NAV2: variants seen among roughly 807,000 people sequenced by gnomAD.
NAV2 encodes helicase, APC down-regulated 1.
A neutral mutation model predicts 223.2 loss-of-function variants in NAV2; 54 were observed. The observed-to-expected ratio is 0.24, with a 90% CI of 0.19 to 0.30. NAV2 has a LOEUF of 0.30. Ranked by LOEUF, NAV2 falls within the 10% of genes least tolerant of loss-of-function variation. NAV2 has a pLI of 1.00. For missense variants in NAV2, 2,806 were observed against 3,147.5 expected, an observed-to-expected ratio of 0.89 and a Z score of 2.60; for synonymous variants, 1,279 against 1,239.3, an observed-to-expected ratio of 1.03 and a Z score of -0.67.
chr11:19,984,084 C>A (rs765713808), intron 10 of NAV2, 41 bp from the exon 11 acceptor site: 2 of 1,613,292 alleles, frequency 1.2e-6, no homozygotes, highest in South Asian at 2.2e-5. Context: ...AAGCCACTTG[C>A]TTTGGACATT....
At chr11:20,099,814 G>T (rs1447887354) in intron 31 of NAV2, among the ~76,000 whole-genome samples, 1 of 152,022 alleles carries the variant, frequency 6.6e-6, no homozygotes, top group South Asian at 2.1e-4. Context: ...TACAGAGAGG[G>T]TGTTCTAGTG....
chr11:19,415,095 CA>C (rs1395982137), intron 1 of NAV2, among the ~76,000 whole-genome samples: 2 of 151,978 alleles, frequency 1.3e-5, no homozygotes, highest in African/African-American at 2.4e-5. Context: ...TAACTAAGAT[CA>C]GAGCAGAAAT....
At chr11:19,680,540 A>G (rs906164251) in intron 1 of NAV2, among the ~76,000 whole-genome samples, 1 of 152,128 alleles carries the variant, frequency 6.6e-6, no homozygotes, top group Non-Finnish European at 1.5e-5. Context: ...GGGATGCGGA[A>G]CCCCATTCTG....
At chr11:20,077,237 C>T (rs191271505) in intron 22 of NAV2, among the ~76,000 whole-genome samples, 3 of 151,906 alleles carry the variant, frequency 2.0e-5, no homozygotes, top group Admixed American at 6.5e-5. Flanking sequence ...AAGTACGAGC[C>T]GAGAGCTCTT....
chr11:19,983,983 A>G, intron 10 of NAV2, 142 bp from the exon 11 acceptor site: 1 of 1,030,566 alleles, frequency 9.7e-7, no homozygotes, highest in Non-Finnish European at 1.5e-6. Flanking sequence ...TTGGGCTGTG[A>G]TCAGTGCCAG....
intron 5 of NAV2, among the ~76,000 whole-genome samples, chr11:19,885,318 T>C (rs190323888): frequency 1.3e-5 from 2 of 152,304 alleles, no homozygotes; most frequent in Non-Finnish European, 2.9e-5. Flanking sequence ...GAACCTTCAC[T>C]ATAACCACAG....
intron 1 of NAV2, among the ~76,000 whole-genome samples, chr11:19,796,107 T>C (rs533427238): frequency 1.3e-5 from 2 of 152,272 alleles, no homozygotes; most frequent in East Asian, 3.9e-4. Flanking sequence ...AATTCATCAA[T>C]GGGGGGATAG....
intron 1 of NAV2, among the ~76,000 whole-genome samples, chr11:19,485,493 A>G (rs1182553033): frequency 6.6e-6 from 1 of 152,072 alleles, no homozygotes; most frequent in Non-Finnish European, 1.5e-5. Flanking sequence ...AGGCCCATCC[A>G]CTCCCAAATA....
chr11:19,885,048 T>G (rs2063446691), intron 5 of NAV2, among the ~76,000 whole-genome samples: 1 of 152,186 alleles, frequency 6.6e-6, no homozygotes, highest in South Asian at 2.1e-4. Flanking sequence ...TCCTATGGTA[T>G]GGGAAAAGCC....
chr11:19,562,457 G>T (rs2045133595), intron 1 of NAV2, among the ~76,000 whole-genome samples: 1 of 152,194 alleles, frequency 6.6e-6, no homozygotes, highest in Non-Finnish European at 1.5e-5. Flanking sequence ...CTCTCTTTGA[G>T]ACATGGATTG....
At chr11:19,719,593 A>G (rs2050594257) in intron 1 of NAV2, among the ~76,000 whole-genome samples, 1 of 152,150 alleles carries the variant, frequency 6.6e-6, no homozygotes, top group Admixed American at 6.5e-5. Context: ...TATTTTTGTT[A>G]CCTAAGGTCA....
At chr11:19,499,972 A>G (rs2134142695) in intron 1 of NAV2, among the ~76,000 whole-genome samples, 1 of 152,096 alleles carries the variant, frequency 6.6e-6, no homozygotes, top group African/African-American at 2.4e-5. Context: ...GATTCTATAT[A>G]TATATACACA....
chr11:19,346,394 T>G (rs1453420551), upstream of NAV2, among the ~76,000 whole-genome samples: 3 of 152,174 alleles, frequency 2.0e-5, no homozygotes, highest in Non-Finnish European at 4.4e-5. Context: ...GGCCTGCGGT[T>G]CCCCTGGCTC....
intron 1 of NAV2, among the ~76,000 whole-genome samples, chr11:19,638,257 A>T (rs1590749757): frequency 6.6e-6 from 1 of 152,256 alleles, no homozygotes; most frequent in African/African-American, 2.4e-5. Flanking sequence ...GCTACTGGGC[A>T]TAAAAGAAGA....
chr11:19,567,916 G>A (rs866298763), intron 1 of NAV2, among the ~76,000 whole-genome samples: 1 of 152,092 alleles, frequency 6.6e-6, no homozygotes, highest in Non-Finnish European at 1.5e-5. Context: ...CCCAGTCAGG[G>A]GCTCTGTGTA....
chr11:19,969,713 C>G (rs1248986394), intron 10 of NAV2, among the ~76,000 whole-genome samples: 1 of 151,964 alleles, frequency 6.6e-6, no homozygotes, highest in Non-Finnish European at 1.5e-5. Flanking sequence ...GAGGCTGAGG[C>G]GGGCGGATAA....
At chr11:19,793,167 C>T (rs1187453016) in intron 1 of NAV2, among the ~76,000 whole-genome samples, 1 of 134,094 alleles carries the variant, frequency 7.5e-6, no homozygotes, top group Non-Finnish European at 1.5e-5. Context: ...GAGATCATGT[C>T]ATTGCACTCC....
At chr11:19,363,382 T>G (rs923615296) in intron 1 of NAV2, among the ~76,000 whole-genome samples, 2 of 152,234 alleles carry the variant, frequency 1.3e-5, no homozygotes, top group Non-Finnish European at 2.9e-5. Context: ...AGTCTATTAT[T>G]GATAAACATT....
intron 11 of NAV2, among the ~76,000 whole-genome samples, chr11:19,986,200 G>A (rs185738349): frequency 6.6e-6 from 1 of 152,202 alleles, no homozygotes; most frequent in Non-Finnish European, 1.5e-5. Context: ...GAGGATGAGG[G>A]TGGGGTTGAA....
Sources: gnomAD v4.1 joint callset for allele counts (sites outside exome capture counted in the v4.1 genomes callset) on GRCh38, gnomAD v4.1.1 for gene constraint, MANE v1.5 for transcripts, NCBI Gene and HGNC (gene_info 2026-07-23, HGNC 2026-07-21) for gene names.